Variants in RAB6A observed in about 807,000 individuals in gnomAD.
RAB6A encodes the protein RAB6A, member RAS oncogene family.
RAB6A carries 8 observed loss-of-function variants against 32.3 expected under a neutral mutation model. The ratio of observed to expected loss-of-function variants is 0.25; its 90% CI spans 0.15 to 0.45. The LOEUF (loss-of-function observed/expected upper bound fraction) is 0.45. Among genes scored for constraint, RAB6A ranks in the 20% least tolerant of loss-of-function variants. RAB6A has a pLI of 1.00. For missense variants in RAB6A, 104 were observed against 249.4 expected (o/e 0.42, Z 3.93); for synonymous variants, 73 against 82.1 (o/e 0.89, Z 0.60).
At chr11:73,745,727 G>T (rs1946577589) in intron 1 of RAB6A, among the ~76,000 whole-genome samples, 3 of 152,012 alleles carry the variant, frequency 2.0e-5, no homozygotes, top group Non-Finnish European at 2.9e-5. Flanking sequence ...AGCTACCAAG[G>T]AGGCTGAGGC....
chr11:73,700,875 T>C (rs1945734285), intron 6 of RAB6A, among the ~76,000 whole-genome samples: 1 of 152,182 alleles, frequency 6.6e-6, no homozygotes, highest in Admixed American at 6.6e-5. Flanking sequence ...GCAAAAGGGT[T>C]AAGCACAGGA....
chr11:73,678,044 A>G, intron 7 of RAB6A, 82 bp from the exon 8 acceptor site: 1 of 1,388,732 alleles, frequency 7.2e-7, no homozygotes. Flanking sequence ...GATGGCCCTT[A>G]TATTCCTATC....
chr11:73,709,475 A>AT (rs980931704), intron 5 of RAB6A, among the ~76,000 whole-genome samples: 3 of 147,644 alleles, frequency 2.0e-5, no homozygotes, highest in African/African-American at 7.4e-5. Flanking sequence ...TATTATTATT[A>AT]TGACTCGTGG....
intron 6 of RAB6A, among the ~76,000 whole-genome samples, chr11:73,681,739 C>A (rs1397448538): frequency 1.3e-5 from 2 of 152,038 alleles, no homozygotes; most frequent in Non-Finnish European, 2.9e-5. Flanking sequence ...AACCCAGGAG[C>A]CGGAGGTTGC....
At chr11:73,705,247 G>A (rs936818045) in intron 6 of RAB6A, among the ~76,000 whole-genome samples, 17 of 151,832 alleles carry the variant, frequency 1.1e-4, no homozygotes, top group African/African-American at 3.9e-4. Flanking sequence ...TTATCAAAAT[G>A]TCTCTAAAAG....
At chr11:73,760,470 G>A (rs1946828138) in intron 1 of RAB6A, 96 bp downstream of exon 1, 7 of 1,452,730 alleles carry the variant, frequency 4.8e-6, no homozygotes, top group Non-Finnish European at 6.4e-6. Flanking sequence ...GCGGACGCGA[G>A]GCGGGCAGGG....
chr11:73,679,754 G>A (rs762578087), intron 6 of RAB6A, 34 bp from the exon 7 acceptor site: 1 of 1,611,946 alleles, frequency 6.2e-7, no homozygotes, highest in South Asian at 1.1e-5. Flanking sequence ...TAACTGAGAG[G>A]GAACATTTAG....
At chr11:73,693,556 CTT>C (rs891656563) in intron 6 of RAB6A, among the ~76,000 whole-genome samples, 37 of 119,020 alleles carry the variant, frequency 3.1e-4, no homozygotes, top group South Asian at 8.8e-4. Context: ...AAGACTCCAT[CTT>C]TTTTTTTTTT....
chr11:73,757,392 G>C (rs1590900052), intron 1 of RAB6A, among the ~76,000 whole-genome samples: 1 of 150,960 alleles, frequency 6.6e-6, no homozygotes. Flanking sequence ...GGCTGGTCTT[G>C]AACTGCTGAC....
intron 2 of RAB6A, chr11:73,730,560 T>G (rs1946287440): frequency 3.9e-6 from 2 of 510,352 alleles, no homozygotes; most frequent in Non-Finnish European, 6.9e-6. Flanking sequence ...TTCAACAGAC[T>G]TTGGAAGAGA....
At chr11:73,691,630 G>C (rs890560126) in intron 6 of RAB6A, among the ~76,000 whole-genome samples, 1 of 152,130 alleles carries the variant, frequency 6.6e-6, no homozygotes, top group African/African-American at 2.4e-5. Context: ...CAAAATGTTA[G>C]CTAAAACAAT....
chr11:73,683,185 A>G (rs983709147), intron 6 of RAB6A, among the ~76,000 whole-genome samples: 2 of 151,906 alleles, frequency 1.3e-5, no homozygotes, highest in African/African-American at 4.8e-5. Flanking sequence ...CGTTAACAGC[A>G]TTTTGCAGAT....
chr11:73,744,511 CAAAAAAAA>C (rs555388622), intron 1 of RAB6A, among the ~76,000 whole-genome samples: 15 of 63,744 alleles, frequency 2.4e-4, no homozygotes, highest in African/African-American at 8.0e-4. Context: ...ACCCTGTCTC[CAAAAAAAA>C]AAAAAAAAAA....
At chr11:73,737,830 T>TA (rs1565373201) in intron 1 of RAB6A, among the ~76,000 whole-genome samples, 1 of 151,362 alleles carries the variant, frequency 6.6e-6, no homozygotes, top group African/African-American at 2.4e-5. Context: ...CCGTCTCTAC[T>TA]TAAAAAAAAT....
At chr11:73,692,792 A>C (rs1945593678) in intron 6 of RAB6A, among the ~76,000 whole-genome samples, 1 of 111,632 alleles carries the variant, frequency 9.0e-6, no homozygotes, top group African/African-American at 3.3e-5. Flanking sequence ...AAAATACAAA[A>C]AAAAAAAAAA....
At chr11:73,703,138 GA>G (rs962284281) in intron 6 of RAB6A, among the ~76,000 whole-genome samples, 4 of 149,468 alleles carry the variant, frequency 2.7e-5, no homozygotes, top group Non-Finnish European at 4.5e-5. Flanking sequence ...AAAAAAATTG[GA>G]AAAAAAAAAT....
At chr11:73,713,541 C>T (rs1035617227) in intron 5 of RAB6A, among the ~76,000 whole-genome samples, 1 of 148,354 alleles carries the variant, frequency 6.7e-6, no homozygotes, top group Non-Finnish European at 1.5e-5. Context: ...GCACTCCAGG[C>T]TGGGAGACAG....
chr11:73,699,368 C>G (rs2134901654), intron 6 of RAB6A, among the ~76,000 whole-genome samples: 1 of 152,316 alleles, frequency 6.6e-6, no homozygotes, highest in African/African-American at 2.4e-5. Context: ...AAGTGACGGT[C>G]CCATCTCAGG....
intron 6 of RAB6A, among the ~76,000 whole-genome samples, chr11:73,685,437 T>C (rs947771680): frequency 2.6e-5 from 4 of 151,380 alleles, no homozygotes; most frequent in Non-Finnish European, 4.4e-5. Context: ...TACAGGTGCC[T>C]GTGCCACACC....
Sources: allele counts gnomAD v4.1 joint callset (sites outside exome capture counted in the v4.1 genomes callset), GRCh38; gene constraint gnomAD v4.1.1; transcripts MANE v1.5; gene names NCBI Gene and HGNC (gene_info 2026-07-23, HGNC 2026-07-21).